UVSSA: variants seen among roughly 807,000 people sequenced by gnomAD.
The protein encoded by UVSSA is UV stimulated scaffold protein A.
Under a neutral mutation model 73.9 loss-of-function variants are expected in UVSSA, and 72 were observed. The observed-to-expected ratio is 0.97, with a 90% confidence interval of 0.81 to 1.19. The LOEUF is 1.19. Ranked by LOEUF, UVSSA falls within the 50% of genes most tolerant of loss-of-function variation. The pLI is 0.00. For missense variants in UVSSA, 1,150 were observed against 965.0 expected, an observed-to-expected ratio of 1.19 and a Z score of -2.54; for synonymous variants, 454 against 391.3, an observed-to-expected ratio of 1.16 and a Z score of -1.89.
chr4:1,395,799 C>A (rs1340857950), exon 14 of UVSSA: 1 of 1,614,170 alleles, frequency 6.2e-7, no homozygotes, highest in East Asian at 2.2e-5. Context: ...CTTTTTAATA[C>A]GTTTTTATGT....
chr4:1,381,686 CTT>C (rs1318393473), intron 12 of UVSSA, among the ~76,000 whole-genome samples: 37 of 131,688 alleles, frequency 2.8e-4, no homozygotes, highest in Admixed American at 3.7e-4. Context: ...TTTGATTTGG[CTT>C]TTTTTTTTTT....
intron 11 of UVSSA, 114 bp from the exon 12 acceptor site, chr4:1,380,766 C>A: frequency 6.3e-7 from 1 of 1,576,578 alleles, no homozygotes; most frequent in South Asian, 1.2e-5. Context: ...CACTTTGGCT[C>A]TGTGATACCA....
chr4:1,356,077 C>T (rs1028162676), intron 7 of UVSSA, among the ~76,000 whole-genome samples: 1 of 152,188 alleles, frequency 6.6e-6, no homozygotes, highest in Non-Finnish European at 1.5e-5. Flanking sequence ...GCAGTGCTGT[C>T]TCTCAGGCAC....
At chr4:1,394,783 A>C (rs1720488055) in exon 14 of UVSSA, 1 of 1,538,376 alleles carries the variant, frequency 6.5e-7, no homozygotes. Flanking sequence ...ACATGTGCCG[A>C]TGTGGAGTGC....
intron 12 of UVSSA, among the ~76,000 whole-genome samples, chr4:1,381,381 C>G (rs1182038687): frequency 6.6e-6 from 1 of 152,250 alleles, no homozygotes; most frequent in East Asian, 1.9e-4. Context: ...CTGGCCTCCT[C>G]AGCCATACCC....
chr4:1,349,410 G>A (rs973735580), intron 2 of UVSSA, 114 bp from the exon 3 acceptor site: 2 of 992,026 alleles, frequency 2.0e-6, no homozygotes, highest in Non-Finnish European at 2.9e-6. Context: ...AATGAAGATG[G>A]GAAGGCAGTG....
intron 7 of UVSSA, chr4:1,356,940 G>T: frequency 6.5e-6 from 1 of 153,068 alleles, no homozygotes; most frequent in Non-Finnish European, 1.5e-5. Flanking sequence ...GTCTGAAGGT[G>T]GCCGGTGGGC....
rs555378781 is a variant in UVSSA, at chr4:1,377,078, CG to C, written c.1568+911del. Among the ~76,000 whole-genome samples, 18 of 152,298 alleles carry C rather than the reference CG, an allele frequency of 1.2e-4. No homozygotes were observed. In the South Asian group the frequency reaches 3.7e-3, roughly 32 times the overall value. On this transcript the variant is annotated intron_variant, in intron 10 of 13. Transcript: ENST00000389851. ...AGCCAATGCTGCGGGGTCTGCGGGG[CG>C]TGATGCGGGAGCGTCTCATCCGTGT...
chr4:1,351,399 TC>T (rs1714715529), intron 3 of UVSSA, among the ~76,000 whole-genome samples: 1 of 145,902 alleles, frequency 6.9e-6, no homozygotes, highest in Admixed American at 6.9e-5. Flanking sequence ...TTTTTTTTTT[TC>T]TTTGAGACAG....
chr4:1,369,210 C>T (rs1054004424), intron 8 of UVSSA, among the ~76,000 whole-genome samples: 2 of 152,216 alleles, frequency 1.3e-5, no homozygotes. Flanking sequence ...TGCTGGGAGT[C>T]GACCGGGTGC....
At chr4:1,343,301 C>T (rs577004274), upstream of UVSSA, among the ~76,000 whole-genome samples, 4 of 152,188 alleles carry the variant, frequency 2.6e-5, no homozygotes, top group African/African-American at 9.6e-5. Flanking sequence ...CTTCATCTTA[C>T]GAGGACATCA....
At chr4:1,394,442 A>G in exon 14 of UVSSA, 2 of 1,603,824 alleles carry the variant, frequency 1.2e-6, no homozygotes, top group African/African-American at 2.7e-5. Context: ...CTAGTTTTTG[A>G]TACAAAATGT....
At chr4:1,360,052 A>G (rs1262415552) in intron 7 of UVSSA, among the ~76,000 whole-genome samples, 2 of 152,202 alleles carry the variant, frequency 1.3e-5, no homozygotes, top group African/African-American at 4.8e-5. Flanking sequence ...AGGGACCTAA[A>G]TCAGCGCTGC....
chr4:1,355,079 C>G, intron 6 of UVSSA, 38 bp from the exon 7 acceptor site: 4 of 1,606,446 alleles, frequency 2.5e-6, no homozygotes, highest in Non-Finnish European at 3.4e-6. Flanking sequence ...AGGTCCTGCC[C>G]GGCCGGCCCC....
Position 1,382,338 on chromosome 4 carries a change from T to C in UVSSA, c.1861+1350T>C, listed in dbSNP as rs964765979. Among the ~76,000 whole-genome samples, 18 of 152,350 alleles carry C rather than the reference T, an allele frequency of 1.2e-4. 2 individuals are homozygous for C. The highest frequency in any genetic ancestry group is 3.9e-4 in the East Asian group (2 of 5,178). On this transcript the variant is annotated intron_variant, in intron 12 of 13. Transcript: ENST00000389851. ...TCAGGCCGCGGGCTGCGGCCAGCGC[T>C]GGCCAGTCAGATGTGAAATAGTGTC... is the stretch of plus-strand genomic sequence containing the variant.
At chr4:1,389,790 G>A (rs188204570), downstream of UVSSA, 2 of 152,152 alleles carry the variant, frequency 1.3e-5, no homozygotes, top group Non-Finnish European at 2.9e-5. Flanking sequence ...CTCTCAAAGT[G>A]CTGGGATTGT....
At position 1,380,168 on chromosome 4, in the gene UVSSA, C is replaced by T. The variant is rs1211973975; in HGVS notation, c.1690C>T (p.Gln564Ter). ...ITFAGKFEPV[Q>*]HWCRAPRPDG... ...TTTTGCCGGGAAGTTTGAGCCTGTG[C>T]AGCACTGGTGCCGTGCCCCGAGGCC... The change falls in exon 11 of 14, where the codon CAG becomes TAG. Residue 564 changes from glutamine (Q) to a stop codon, truncating the protein, a stop_gained. Coordinates refer to ENST00000389851, the MANE Select transcript of UVSSA (RefSeq NM_020894.4). LOFTEE classifies it high-confidence loss of function. The T allele has an allele frequency of 6.2e-7, 1 of 1,613,018 alleles. No individual in the cohort carries two copies. The highest frequency in any genetic ancestry group is 1.3e-5 in the African/African-American group (1 of 74,942).
intron 7 of UVSSA, among the ~76,000 whole-genome samples, chr4:1,365,674 T>C (rs554610862): frequency 1.7e-4 from 26 of 152,222 alleles, no homozygotes; most frequent in Non-Finnish European, 3.7e-4. Context: ...CAGAAGTACT[T>C]GTCCCTTTCT....
At chr4:1,370,240 C>A (rs1336586320) in intron 8 of UVSSA, among the ~76,000 whole-genome samples, 1 of 152,194 alleles carries the variant, frequency 6.6e-6, no homozygotes. Flanking sequence ...GTCTTGCCTC[C>A]GTCACTGTGA....
Sources: allele counts gnomAD v4.1 joint callset (sites outside exome capture counted in the v4.1 genomes callset), GRCh38; gene constraint gnomAD v4.1.1; transcripts MANE v1.5; gene names NCBI Gene and HGNC (gene_info 2026-07-23, HGNC 2026-07-21).